The following ASIC2 variants were observed in gnomAD, a reference collection of about 807,000 sequenced individuals.
ASIC2 encodes acid sensing ion channel subunit 2, also known as acid-sensing ion channel 2.
A neutral mutation model predicts 57.3 loss-of-function variants in ASIC2; 25 were observed. That is an observed-to-expected ratio of 0.44 (90% CI 0.32 to 0.61). The LOEUF (loss-of-function observed/expected upper bound fraction) is 0.61, where lower values mean the gene tolerates loss of function less well. Among genes scored for constraint, ASIC2 ranks in the 20% least tolerant of loss-of-function variants. The pLI is 0.06. For synonymous variants in ASIC2, 319 were observed against 307.5 expected, an observed-to-expected ratio of 1.04 and a Z score of -0.39; for missense variants, 641 against 738.1, an observed-to-expected ratio of 0.87 and a Z score of 1.52.
At chr17:33,134,630 A>G (rs1201322225) in intron 1 of ASIC2, among the ~76,000 whole-genome samples, 1 of 152,260 alleles carries the variant, frequency 6.6e-6, no homozygotes, top group Non-Finnish European at 1.5e-5. Context: ...AAACACTTCC[A>G]GAGCCTGGAT....
At chr17:34,151,118 A>AAAT (rs1555535967) in intron 1 of ASIC2, among the ~76,000 whole-genome samples, 44 of 145,692 alleles carry the variant, frequency 3.0e-4, no homozygotes, top group African/African-American at 1.1e-3. Context: ...AAAAAAAAAA[A>AAAT]AAAAAAATAA....
At position 34,099,672 on chromosome 17, in the gene ASIC2, G is replaced by A. The variant is rs191351399; in HGVS notation, c.555+56306C>T. The stretch of plus-strand genomic sequence containing the variant: ...GAGAGGAAGGAAGGAAGGAAAGAAA[G>A]AAAGAAAGAAAAGAAAGAGAAGAAA... On this transcript the variant is annotated intron_variant, in intron 1 of 9. Coordinates refer to the ASIC2 transcript ENST00000359872. Among the ~76,000 whole-genome samples, 887 of 138,898 alleles carry A rather than the reference G, an allele frequency of 6.4e-3. 21 individuals are homozygous for A. Among genetic ancestry groups the A allele is most frequent in the African/African-American group, 0.023 (826 of 36,140 alleles). 91.1% of individuals were successfully genotyped at this position (138,898 alleles called of 152,430 possible).
intron 1 of ASIC2, among the ~76,000 whole-genome samples, chr17:33,265,068 C>T (rs1909413563): frequency 1.3e-5 from 2 of 152,222 alleles, no homozygotes; most frequent in Non-Finnish European, 2.9e-5. Context: ...GTGGCCTTCA[C>T]TGAGTTTCTT....
At chr17:33,839,577 A>G (rs953685427) in intron 1 of ASIC2, among the ~76,000 whole-genome samples, 3 of 152,120 alleles carry the variant, frequency 2.0e-5, no homozygotes, top group Non-Finnish European at 2.9e-5. Flanking sequence ...AGGGTGACCA[A>G]TTGTCCCCAT....
intron 1 of ASIC2, among the ~76,000 whole-genome samples, chr17:33,446,840 T>C (rs1912040306): frequency 1.3e-5 from 2 of 152,230 alleles, no homozygotes; most frequent in Admixed American, 6.5e-5. Flanking sequence ...CGCTGCCTCT[T>C]AGTCGTGGCA....
chr17:33,905,156 T>C (rs1003157185), intron 1 of ASIC2, among the ~76,000 whole-genome samples: 3 of 130,338 alleles, frequency 2.3e-5, no homozygotes, highest in African/African-American at 8.7e-5. Flanking sequence ...TTTTTTTTTT[T>C]TTTTTTTTTC....
chr17:33,598,433 T>G (rs989375837), intron 1 of ASIC2, among the ~76,000 whole-genome samples: 1 of 152,226 alleles, frequency 6.6e-6, no homozygotes, highest in Non-Finnish European at 1.5e-5. Context: ...AGCTTGAGCT[T>G]CTTTCTGCAT....
chr17:34,119,638 CACAA>C (rs1048562581), intron 1 of ASIC2, among the ~76,000 whole-genome samples: 19 of 147,410 alleles, frequency 1.3e-4, no homozygotes, highest in Admixed American at 8.9e-4. Context: ...CACACACACA[CACAA>C]ACACACACAC....
chr17:33,579,792 A>G (rs572595889), intron 1 of ASIC2, among the ~76,000 whole-genome samples: 3 of 152,230 alleles, frequency 2.0e-5, no homozygotes, highest in East Asian at 1.9e-4. Context: ...AAACTACCAC[A>G]CCGTGAAAAA....
intron 1 of ASIC2, among the ~76,000 whole-genome samples, chr17:34,064,712 G>A (rs1339584771): frequency 6.6e-6 from 1 of 151,948 alleles, no homozygotes; most frequent in Non-Finnish European, 1.5e-5. Flanking sequence ...TCAAAAAGTG[G>A]GCTAAGGGCA....
In ASIC2 at chr17:33,466,499, C is replaced by A. The variant is rs574106122; in HGVS notation, c.556-354432G>T. On this transcript the variant is annotated intron_variant, in intron 1 of 9. Coordinates refer to the ASIC2 transcript ENST00000359872. ...GAATTGGGAAAAAAAAACCTACTTTCAAGTTCATATGGAACCAAAAAAGAG... is the reference window on the plus strand; with the variant it reads ...GAATTGGGAAAAAAAAACCTACTTTAAAGTTCATATGGAACCAAAAAAGAG... 3.3e-5 allele frequency among the ~76,000 whole-genome samples: 5 copies of A among 152,166 alleles called. No homozygotes were observed. In the South Asian group the frequency reaches 1.0e-3, roughly 32 times the overall value.
At chr17:33,238,630 G>C (rs1319275973) in intron 1 of ASIC2, among the ~76,000 whole-genome samples, 1 of 152,128 alleles carries the variant, frequency 6.6e-6, no homozygotes, top group Non-Finnish European at 1.5e-5. Flanking sequence ...GAACACACCG[G>C]GCCCACTCCT....
intron 1 of ASIC2, among the ~76,000 whole-genome samples, chr17:34,056,944 AT>A (rs1908786005): frequency 6.6e-6 from 1 of 152,244 alleles, no homozygotes; most frequent in Non-Finnish European, 1.5e-5. Flanking sequence ...AATCATTTAA[AT>A]ACCCTGGGGG....
chr17:33,275,337 G>A (rs1291090588), intron 1 of ASIC2, among the ~76,000 whole-genome samples: 1 of 152,122 alleles, frequency 6.6e-6, no homozygotes, highest in African/African-American at 2.4e-5. Context: ...GGCAAAACCT[G>A]CTTTTTCGAA....
intron 1 of ASIC2, among the ~76,000 whole-genome samples, chr17:33,558,706 G>T (rs938713330): frequency 6.6e-6 from 1 of 152,122 alleles, no homozygotes; most frequent in African/African-American, 2.4e-5. Context: ...GAATGGGCAG[G>T]ATGTGTTCTA....
chr17:33,104,510 G>A (rs1398157771), intron 2 of ASIC2, among the ~76,000 whole-genome samples: 1 of 152,188 alleles, frequency 6.6e-6, no homozygotes, highest in Non-Finnish European at 1.5e-5. Flanking sequence ...TTGGTCACAG[G>A]GACCAAGGGA....
At chr17:33,969,034 C>T (rs961002364) in intron 1 of ASIC2, among the ~76,000 whole-genome samples, 2 of 152,162 alleles carry the variant, frequency 1.3e-5, no homozygotes, top group South Asian at 4.1e-4. Context: ...TAAAAAAACA[C>T]AGAGGCCCGG....
intron 1 of ASIC2, among the ~76,000 whole-genome samples, chr17:33,647,606 G>A (rs1006537475): frequency 4.0e-4 from 61 of 152,332 alleles, no homozygotes; most frequent in African/African-American, 1.4e-3. Flanking sequence ...CCTGCTGCTT[G>A]TGTGTGTTCA....
chr17:34,059,923 G>T (rs955148355), intron 1 of ASIC2, among the ~76,000 whole-genome samples: 1 of 152,182 alleles, frequency 6.6e-6, no homozygotes, highest in African/African-American at 2.4e-5. Context: ...GGTAGCAAAA[G>T]ACAAAGGACA....
Sources: allele counts gnomAD v4.1 joint callset (sites outside exome capture counted in the v4.1 genomes callset), GRCh38; gene constraint gnomAD v4.1.1; transcripts MANE v1.5; gene names NCBI Gene and HGNC (gene_info 2026-07-23, HGNC 2026-07-21).